Variants in SPTBN2 observed in about 807,000 individuals in gnomAD.
The protein encoded by SPTBN2 is spectrin beta, non-erythrocytic 2, also known as spectrin beta chain, non-erythrocytic 2.
A neutral mutation model predicts 284.2 loss-of-function variants in SPTBN2; 107 were observed. The observed-to-expected ratio is 0.38, with a 90% CI of 0.32 to 0.44. The LOEUF (loss-of-function observed/expected upper bound fraction) is 0.44, where lower values mean the gene tolerates loss of function less well. Among genes scored for constraint, SPTBN2 ranks in the 20% least tolerant of loss-of-function variants. SPTBN2 has a pLI of 1.00. For missense variants in SPTBN2, 2,569 were observed against 3,287.1 expected (o/e 0.78, Z 5.34); for synonymous variants, 1,289 against 1,354.8 (o/e 0.95, Z 1.07).
intron 21 of SPTBN2, among the ~76,000 whole-genome samples, chr11:66,694,981 C>A (rs1565122112): frequency 6.6e-6 from 1 of 152,234 alleles, no homozygotes; most frequent in East Asian, 1.9e-4. Flanking sequence ...TTGCTGCACT[C>A]TAGTGGCCAC....
rs1018068541 is a variant in SPTBN2 at position 66,683,217 on chromosome 11, G to A, written c.*2654C>T. Reference sequence around the variant, plus strand: ...CAAGTAGCTGGGACTACAGGCGCCCGCCACTACGCCCGGCTAATTTTTGTA... The same window carrying A: ...CAAGTAGCTGGGACTACAGGCGCCCACCACTACGCCCGGCTAATTTTTGTA... On this transcript the variant is annotated 3_prime_UTR_variant, in exon 38 of 38. Transcript: ENST00000533211. 2.0e-5 allele frequency among the ~76,000 whole-genome samples: 3 copies of A among 151,800 alleles called. No homozygotes were observed. The highest frequency in any genetic ancestry group is 7.3e-5 in the African/African-American group (3 of 41,312).
At chr11:66,743,570 A>G (rs1266160271) in intron 1 of SPTBN2, among the ~76,000 whole-genome samples, 1 of 152,184 alleles carries the variant, frequency 6.6e-6, no homozygotes, top group African/African-American at 2.4e-5. Context: ...TATAGGCTTA[A>G]GCCCCTGTCA....
rs572522164 is a variant in SPTBN2 at position 66,685,800 on chromosome 11, C to T, written c.*71G>A. 2,147 of 1,439,288 alleles carry T rather than the reference C, an allele frequency of 1.5e-3. 4 individuals carry two copies. The highest frequency in any genetic ancestry group is 1.6e-3 in the Non-Finnish European group (1,627 of 1,025,236). The allele number at this position is 1,439,288 out of a possible 1,614,324, so 89.2% of individuals were successfully genotyped here. ...GCAGGCAGTTGTCCTGACAAGAGGG[C>T]GGTCCCTGTCGACTGTCCCTGGCAG... On this transcript the variant is annotated 3_prime_UTR_variant, in exon 38 of 38. Coordinates refer to ENST00000533211, the MANE Select transcript of SPTBN2 (RefSeq NM_006946.4). The surrounding 1 kb of genome is among the most constrained non-coding windows in gnomAD (Gnocchi z 4.4).
intron 28 of SPTBN2, 46 bp downstream of exon 28, chr11:66,689,993 G>A (rs1940428453): frequency 6.2e-7 from 1 of 1,614,064 alleles, no homozygotes; most frequent in African/African-American, 1.3e-5. Context: ...CCCCATCACA[G>A]CCCAGCCACA....
intron 30 of SPTBN2, 83 bp from the exon 31 acceptor site, chr11:66,688,932 A>G: frequency 6.5e-7 from 1 of 1,547,320 alleles, no homozygotes; most frequent in African/African-American, 1.4e-5. Context: ...CCTCAAGAAC[A>G]GGGACACAGA....
chr11:66,689,223 A>T, intron 29 of SPTBN2, 43 bp from the exon 30 acceptor site: 2 of 1,575,172 alleles, frequency 1.3e-6, no homozygotes, highest in Non-Finnish European at 1.7e-6. Context: ...CCAGGATGTG[A>T]GATCTTTCCA....
In SPTBN2 at chr11:66,682,982, G is replaced by A. The variant is rs1455624442; in HGVS notation, c.*2889C>T. 2.0e-5 allele frequency among the ~76,000 whole-genome samples: 3 copies of A among 151,190 alleles called. No individual in the cohort carries two copies. The highest frequency in any genetic ancestry group is 7.3e-5 in the African/African-American group (3 of 41,094). On this transcript the variant is annotated 3_prime_UTR_variant, in exon 38 of 38. Coordinates refer to ENST00000533211, the MANE Select transcript of SPTBN2 (RefSeq NM_006946.4). ...TTGCCCAGGCTGGTCTTGAACTCCT[G>A]AGCTCAAGTGACCCACTCACCTCGG...
At chr11:66,736,303 C>T (rs571983273) in intron 1 of SPTBN2, among the ~76,000 whole-genome samples, 3 of 152,254 alleles carry the variant, frequency 2.0e-5, no homozygotes, top group South Asian at 2.1e-4. Flanking sequence ...AAAGTAGAAC[C>T]GATTTGAGAA....
intron 21 of SPTBN2, among the ~76,000 whole-genome samples, chr11:66,694,853 C>T (rs1940817734): frequency 6.6e-6 from 1 of 152,216 alleles, no homozygotes; most frequent in African/African-American, 2.4e-5. Flanking sequence ...GCTGGAGGGA[C>T]ACCACAATGC....
rs1200013556 is a variant in SPTBN2 at position 66,708,183 on chromosome 11, C to T, written c.1308G>A (p.Met436Ile). 6.2e-7 allele frequency: 1 copy of T among 1,612,820 alleles called. No homozygotes were observed. The highest frequency in any genetic ancestry group is 1.3e-5 in the African/African-American group (1 of 74,942). The change falls in exon 12 of 38, where the codon ATG (methionine) becomes ATA (isoleucine). Residue 436 changes from methionine (M) to isoleucine (I), a missense_variant. Coordinates refer to ENST00000533211, the MANE Select transcript of SPTBN2 (RefSeq NM_006946.4). This position sits in a 1 kb window ranked among gnomAD's most constrained non-coding sequence, Gnocchi z 4.4. ...LAARFDRKAA[M>I]RETWLSENQR... ...GGTTCTCGCTGAGCCAGGTCTCCCG[C>T]ATGGCAGCCTTGCGGTCGAAGCGGG... is the stretch of plus-strand genomic sequence containing the variant.
chr11:66,720,267 TTGGGC>T (rs1045296895), intron 3 of SPTBN2, among the ~76,000 whole-genome samples: 1 of 151,988 alleles, frequency 6.6e-6, no homozygotes, highest in Admixed American at 6.6e-5. Context: ...CTGGGTTGGG[TTGGGC>T]TGGGCTGGGC....
chr11:66,709,766 C>T (rs1941759013), intron 10 of SPTBN2, among the ~76,000 whole-genome samples: 1 of 152,232 alleles, frequency 6.6e-6, no homozygotes, highest in South Asian at 2.1e-4. Context: ...TCCAAAAGAA[C>T]TCCATGACAG....
rs563544794 is a variant in SPTBN2, at chr11:66,694,520, G to A, written c.4279-157C>T. On this transcript the variant is annotated intron_variant, in intron 21 of 37. Transcript: ENST00000533211. ...CTCATGGGCTGGATCAGTGGATCTC[G>A]AACTTTATATGCACAAGAATCCAAG... is the stretch of plus-strand genomic sequence containing the variant. Among the ~76,000 whole-genome samples the A allele has an allele frequency of 8.5e-5, 13 of 152,304 alleles. No homozygotes were observed. In the East Asian group the frequency reaches 9.6e-4, roughly 11 times the overall value.
At chr11:66,698,249 A>G (rs1233373228) in intron 20 of SPTBN2, among the ~76,000 whole-genome samples, 1 of 152,224 alleles carries the variant, frequency 6.6e-6, no homozygotes, top group African/African-American at 2.4e-5. Flanking sequence ...TTTGCACTAC[A>G]ACGACAGAGA....
In SPTBN2 at chr11:66,708,859, A is replaced by G; in HGVS notation, c.1191+43T>C. The G allele has an allele frequency of 6.4e-7, 1 of 1,552,510 alleles. No individual in the cohort carries two copies. The highest frequency in any genetic ancestry group is 8.9e-7 in the Non-Finnish European group (1 of 1,124,902). On this transcript the variant is annotated intron_variant, in intron 11 of 37. Transcript: ENST00000533211. The surrounding 1 kb of genome is among the most constrained non-coding windows in gnomAD (Gnocchi z 4.4). ...GGGATGTGTGCAAGGCATCTGGGCC[A>G]GGGCCTGCCCTGAGGGTGGGTGGCC...
At chr11:66,723,240 T>G (rs986948110) in intron 1 of SPTBN2, among the ~76,000 whole-genome samples, 1 of 151,158 alleles carries the variant, frequency 6.6e-6, no homozygotes, top group Non-Finnish European at 1.5e-5. Context: ...AAAGTTCTTG[T>G]GTAATTTAGC....
rs191443395 is a variant in SPTBN2 at position 66,734,595 on chromosome 11, T to C, written c.-474-5403A>G. ...GTATCAATTTAGATGTTACTTCCTC[T>C]GGAAAGCCCTCCTTGAGCTCCAAGT... On this transcript the variant is annotated intron_variant, in intron 1 of 37. Coordinates refer to the SPTBN2 transcript ENST00000611817. Among the ~76,000 whole-genome samples the C allele has an allele frequency of 2.6e-5, 4 of 152,356 alleles. No homozygotes were observed. The East Asian group carries it at 7.7e-4, about 29-fold the overall frequency.
At chr11:66,732,424 C>T (rs934912966), upstream of SPTBN2, among the ~76,000 whole-genome samples, 4 of 151,748 alleles carry the variant, frequency 2.6e-5, no homozygotes, top group African/African-American at 7.3e-5. Context: ...CCAAAGTAAG[C>T]GGATCACAAG....
intron 10 of SPTBN2, 55 bp from the exon 11 acceptor site, chr11:66,709,074 A>C: frequency 7.1e-7 from 1 of 1,408,220 alleles, no homozygotes; most frequent in Non-Finnish European, 1.0e-6. Flanking sequence ...GGTCACAAGG[A>C]CTCTTTACTC....
Sources: allele counts gnomAD v4.1 joint callset (sites outside exome capture counted in the v4.1 genomes callset), GRCh38; gene constraint gnomAD v4.1.1; non-coding constraint Gnocchi (gnomAD v3.1); transcripts MANE v1.5; gene names NCBI Gene and HGNC (gene_info 2026-07-23, HGNC 2026-07-21).